NEBL: variants seen among roughly 807,000 people sequenced by gnomAD.
NEBL encodes LIM and SH3 protein 2.
In NEBL, 122 loss-of-function variants were observed where a neutral mutation model predicts 140.2. The ratio of observed to expected loss-of-function variants is 0.87; its 90% CI spans 0.75 to 1.01. NEBL has a LOEUF of 1.01. NEBL is among the 50% of genes least tolerant of loss of function. The pLI is 0.00. For missense variants in NEBL, 1,365 were observed against 1,231.3 expected (o/e 1.11, Z -1.62); for synonymous variants, 436 against 398.9 (o/e 1.09, Z -1.11).
At chr10:21,082,518 G>A (rs986260757) in intron 2 of NEBL, among the ~76,000 whole-genome samples, 1 of 130,406 alleles carries the variant, frequency 7.7e-6, no homozygotes, top group African/African-American at 3.3e-5. Context: ...TAAGTTTGAA[G>A]TGTTCCCCAC....
chr10:21,105,600 G>C (rs1837679932), intron 2 of NEBL, among the ~76,000 whole-genome samples: 1 of 152,082 alleles, frequency 6.6e-6, no homozygotes, highest in Non-Finnish European at 1.5e-5. Flanking sequence ...TGGACATTTG[G>C]GTTGGTTCCA....
rs566611866 is a variant in NEBL at position 21,291,824 on chromosome 10, T to C, written n.182+1006A>G. ...CAGAGGCTGAGTCAGGAGAATCGCCTGAACCCGGGAGGCAGAGGTTGCAGT... is the reference window on the plus strand; with the variant it reads ...CAGAGGCTGAGTCAGGAGAATCGCCCGAACCCGGGAGGCAGAGGTTGCAGT... On this transcript the variant is annotated intron_variant and non_coding_transcript_variant, in intron 1 of 8. Transcript: ENST00000675702. Among the ~76,000 whole-genome samples, 89 of 152,048 alleles carry C rather than the reference T, an allele frequency of 5.9e-4. 1 individual carries two copies. Among genetic ancestry groups the C allele is most frequent in the Middle Eastern group, 3.4e-3 (1 of 294 alleles).
At chr10:21,194,460 A>G (rs1841619461) in intron 3 of NEBL, among the ~76,000 whole-genome samples, 1 of 152,204 alleles carries the variant, frequency 6.6e-6, no homozygotes, top group Non-Finnish European at 1.5e-5. Context: ...ATTTGGAACT[A>G]ATTACTAATT....
chr10:20,846,497 A>T (rs1331597678), intron 11 of NEBL, among the ~76,000 whole-genome samples: 1 of 152,214 alleles, frequency 6.6e-6, no homozygotes, highest in Non-Finnish European at 1.5e-5. Flanking sequence ...ATATAGCCAC[A>T]AGGAGAGAAA....
chr10:20,892,256 C>A (rs1847094004), intron 2 of NEBL, among the ~76,000 whole-genome samples: 1 of 152,224 alleles, frequency 6.6e-6, no homozygotes, highest in Non-Finnish European at 1.5e-5. Flanking sequence ...GAAATCTTCC[C>A]AGAAGTGCTT....
intron 2 of NEBL, among the ~76,000 whole-genome samples, chr10:21,092,174 C>T (rs1018972767): frequency 6.6e-6 from 1 of 152,182 alleles, no homozygotes; most frequent in African/African-American, 2.4e-5. Flanking sequence ...TATCACTACT[C>T]ATATGGTCTT....
chr10:21,106,890 G>T (rs2132006591), intron 2 of NEBL, among the ~76,000 whole-genome samples: 1 of 152,224 alleles, frequency 6.6e-6, no homozygotes, highest in South Asian at 2.1e-4. Context: ...TCTCCTTGAA[G>T]GGGTCCTTCA....
chr10:21,144,418 C>T (rs1300188433), intron 2 of NEBL, among the ~76,000 whole-genome samples: 2 of 152,186 alleles, frequency 1.3e-5, no homozygotes, highest in Admixed American at 6.5e-5. Context: ...AAATAACCCC[C>T]TCTTGCTCAA....
chr10:21,090,465 A>T (rs1836857315), intron 2 of NEBL, among the ~76,000 whole-genome samples: 1 of 152,208 alleles, frequency 6.6e-6, no homozygotes, highest in South Asian at 2.1e-4. Flanking sequence ...ATACAGGAGG[A>T]TGCGTGTAGG....
chr10:20,866,574 C>T (rs946837756), intron 7 of NEBL, among the ~76,000 whole-genome samples: 9 of 152,150 alleles, frequency 5.9e-5, no homozygotes, highest in African/African-American at 1.7e-4. Flanking sequence ...AGAGGCTCTG[C>T]CATCAGATTT....
chr10:20,904,307 T>G (rs1260488256), intron 4 of NEBL, among the ~76,000 whole-genome samples: 2 of 152,190 alleles, frequency 1.3e-5, no homozygotes, highest in African/African-American at 4.8e-5. Context: ...ACTATGCATT[T>G]ATATGTGGTT....
chr10:21,192,271 A>C (rs1252781355), intron 3 of NEBL, among the ~76,000 whole-genome samples: 1 of 150,220 alleles, frequency 6.7e-6, no homozygotes, highest in Non-Finnish European at 1.5e-5. Flanking sequence ...GGCTTACTGC[A>C]AGTTCTGCCT....
chr10:21,039,178 C>A (rs1276461393), intron 2 of NEBL, among the ~76,000 whole-genome samples: 2 of 149,148 alleles, frequency 1.3e-5, no homozygotes, highest in Non-Finnish European at 3.0e-5. Flanking sequence ...TGTAGGTTGC[C>A]TGTTCACTCT....
At chr10:21,089,766 C>A (rs1302491784) in intron 2 of NEBL, among the ~76,000 whole-genome samples, 1 of 152,056 alleles carries the variant, frequency 6.6e-6, no homozygotes, top group East Asian at 1.9e-4. Flanking sequence ...CCTTCCCCTG[C>A]CCAGATAAAC....
intron 9 of NEBL, among the ~76,000 whole-genome samples, chr10:20,855,609 T>C (rs1564388598): frequency 6.6e-6 from 1 of 152,090 alleles, no homozygotes; most frequent in Non-Finnish European, 1.5e-5. Context: ...TAACAGTCTC[T>C]GCTACCTCCT....
rs557741319 is a variant in NEBL, at chr10:21,137,922, G to GAA, written c.164+34459_164+34460dup. On this transcript the variant is annotated intron_variant, in intron 2 of 6. Transcript: ENST00000417816. The stretch of plus-strand genomic sequence containing the variant: ...AGCCTGGGTGACAGAGCAAGACCCT[G>GAA]AAAAAAAAAAAAAGGAAAGGGAAGG... 2.5e-5 allele frequency among the ~76,000 whole-genome samples: 3 copies of GAA among 121,252 alleles called. No homozygotes were observed. In the East Asian group the frequency reaches 7.0e-4, roughly 28 times the overall value. The allele number at this position is 121,252 out of a possible 152,430, so 79.5% of individuals were successfully genotyped here.
chr10:20,874,859 C>T (rs1017556200), intron 5 of NEBL, among the ~76,000 whole-genome samples: 15 of 152,160 alleles, frequency 9.9e-5, no homozygotes, highest in African/African-American at 3.6e-4. Flanking sequence ...CCTGTCTTAG[C>T]CTCCTGAGTA....
rs1349850101 is a variant in NEBL, at chr10:20,840,786, C to A, written c.1291G>T (p.Val431Phe). 6.2e-7 allele frequency: 1 copy of A among 1,611,942 alleles called. No homozygotes were observed. Among genetic ancestry groups the A allele is most frequent in the East Asian group, 2.2e-5 (1 of 44,774 alleles). Residue 431 changes from valine (V) to phenylalanine (F), a missense_variant, in exon 13 of 28, where the codon GTT becomes TTT. Val to Phe is a conservative substitution (Grantham distance 50). Transcript: ENST00000377122. ...CGCTTTGCTCTTTGGATATCAAGAA[C>A]TTCTGAATTAAGTTCCATTCCTTTC... The part of the protein sequence containing the change: ...KGKGMELNSE[V>F]LDIQRAKRAS...
chr10:20,975,573 A>T (rs1404827364), intron 3 of NEBL, among the ~76,000 whole-genome samples: 2 of 152,200 alleles, frequency 1.3e-5, no homozygotes, highest in Non-Finnish European at 2.9e-5. Context: ...AACTACCCTG[A>T]ATGTAAATTT....
Sources: allele counts gnomAD v4.1 joint callset (sites outside exome capture counted in the v4.1 genomes callset), GRCh38; gene constraint gnomAD v4.1.1; transcripts MANE v1.5; gene names NCBI Gene and HGNC (gene_info 2026-07-23, HGNC 2026-07-21).